DGKK: variants seen among roughly 807,000 people sequenced by gnomAD.
The protein encoded by DGKK is diacylglycerol kinase kappa, also known as 142 kDa diacylglycerol kinase.
A neutral mutation model predicts 92.2 loss-of-function variants in DGKK; 35 were observed. The ratio of observed to expected loss-of-function variants is 0.38; its 90% CI spans 0.29 to 0.50. DGKK has a LOEUF of 0.50. Among genes scored for constraint, DGKK ranks in the 20% least tolerant of loss-of-function variants. The pLI is 0.92. For missense variants in DGKK, 910 were observed against 992.2 expected, an observed-to-expected ratio of 0.92 and a Z score of 1.11; for synonymous variants, 368 against 360.6, an observed-to-expected ratio of 1.02 and a Z score of -0.23.
Position 50,386,343 on chromosome X carries a change from C to T in DGKK, c.2347+15G>A, listed in dbSNP as rs1557224949. The T allele has an allele frequency of 6.8e-6, 8 of 1,184,031 alleles. No individual in the cohort carries two copies. Among genetic ancestry groups the T allele is most frequent in the Non-Finnish European group, 9.2e-6 (8 of 872,281 alleles). On this transcript the variant is annotated intron_variant, in intron 15 of 27. Coordinates refer to ENST00000611977, the MANE Select transcript of DGKK (RefSeq NM_001013742.4). ...CTTTCCCCTACCTCAGTCACTACAA[C>T]CCTGGCCACCTTACCTTGTTCAACT...
Position 50,377,054 on chromosome X carries a change from T to C in DGKK, c.3112-136A>G, listed in dbSNP as rs185868932. 4.9e-5 allele frequency: 26 copies of C among 526,634 alleles called. No individual in the cohort carries two copies. In the East Asian group the frequency reaches 9.7e-4, roughly 20 times the overall value. The allele number at this position is 526,634 out of a possible 1,213,427, so 43.4% of individuals were successfully genotyped here. A position where few individuals can be genotyped will look rare whatever the true frequency, so the allele number is the denominator to read the frequency against. On this transcript the variant is annotated intron_variant, in intron 22 of 27. Transcript: ENST00000611977. ...GGTAGAGGGGAAGGAGGGCCCCCTG[T>C]CCATTCCCCCTGTCATACCCATCTA...
rs150044370 is a variant in DGKK at position 50,420,119 on chromosome X, G to T, written c.942+284C>A. ...TCCTAACCTAAGGGCATCTACATTA[G>T]CTGCTCACATACATCTTGAGTGACT... On this transcript the variant is annotated intron_variant, in intron 4 of 27. Transcript: ENST00000611977. Among the ~76,000 whole-genome samples the T allele has an allele frequency of 8.4e-3, 933 of 111,630 alleles. 5 individuals are homozygous for T. Among genetic ancestry groups the T allele is most frequent in the Middle Eastern group, 0.037 (8 of 216 alleles).
chrX:50,404,143 A>C lies in DGKK; in HGVS notation c.984T>G (p.His328Gln). Residue 328 changes from histidine (H) to glutamine (Q), a missense_variant, in exon 5 of 28, where the codon CAT (histidine) becomes CAG (glutamine). His to Gln is a conservative substitution (Grantham distance 24). Coordinates refer to ENST00000611977, the MANE Select transcript of DGKK (RefSeq NM_001013742.4). The stretch of plus-strand genomic sequence containing the variant: ...GGTGGCTGTAACTGGAGTACCAACA[A>C]TGCATTCCAACAAGAAAAGGGTTGT... ...AENNPFLVGM[H>Q]CWYSSYSHRT... 1 of 1,210,257 alleles carries C rather than the reference A, an allele frequency of 8.3e-7. No individual in the cohort carries two copies. Among genetic ancestry groups the C allele is most frequent in the Non-Finnish European group, 1.1e-6 (1 of 894,716 alleles).
intron 4 of DGKK, among the ~76,000 whole-genome samples, chrX:50,413,318 G>A (rs1266931549): frequency 1.8e-5 from 2 of 111,954 alleles, no homozygotes; most frequent in Non-Finnish European, 3.8e-5. Flanking sequence ...TTTTGGCTCT[G>A]ACCCCCAAAG....
At chrX:50,406,159 C>T (rs1257708098) in intron 4 of DGKK, among the ~76,000 whole-genome samples, 3 of 111,947 alleles carry the variant, frequency 2.7e-5, no homozygotes, top group African/African-American at 9.7e-5. Flanking sequence ...CACAGGACTG[C>T]GTGGAAGAAA....
In DGKK at chrX:50,388,520, G is replaced by A; in HGVS notation, c.2018+7C>T. Reference sequence around the variant, plus strand: ...CCCCAAAGGATGAGAGCCAAAGGAAGACTGACCTGGTTGCGATGATCATCT... The same window carrying A: ...CCCCAAAGGATGAGAGCCAAAGGAAAACTGACCTGGTTGCGATGATCATCT... On this transcript the variant is annotated splice_region_variant and intron_variant, in intron 13 of 27. Transcript: ENST00000611977. The A allele has an allele frequency of 8.4e-7, 1 of 1,197,284 alleles. No individual in the cohort carries two copies. Among genetic ancestry groups the A allele is most frequent in the Non-Finnish European group, 1.1e-6 (1 of 884,667 alleles).
chrX:50,390,380 C>T lies in DGKK; in HGVS notation c.1874G>A (p.Arg625Lys), dbSNP rs1557225400. 8.3e-7 allele frequency: 1 copy of T among 1,209,505 alleles called. No homozygotes were observed. The highest frequency in any genetic ancestry group is 3.0e-5 in the East Asian group (1 of 33,766). ...RWSVMIRETPRQTPLLKGQVE... is the reference protein window; with the variant it reads ...RWSVMIRETPKQTPLLKGQVE... ...CTGTCCTTTTAGCAGCGGGGTTTGT[C>T]TGGGAGTCTCACGAATCATCACACT... Residue 625 changes from arginine (R) to lysine (K), a missense_variant, in exon 12 of 28, where the codon AGA (arginine) becomes AAA (lysine). Coordinates refer to ENST00000611977, the MANE Select transcript of DGKK (RefSeq NM_001013742.4).
At chrX:50,447,326 G>GTATA (rs1194566657) in intron 1 of DGKK, among the ~76,000 whole-genome samples, 5 of 18,179 alleles carry the variant, frequency 2.8e-4, no homozygotes, top group South Asian at 2.2e-3. Flanking sequence ...GTGTGTGTAT[G>GTATA]TATATATATA....
At chrX:50,469,285 G>GT (rs1199808878) in intron 1 of DGKK, among the ~76,000 whole-genome samples, 1 of 112,219 alleles carries the variant, frequency 8.9e-6, no homozygotes, top group Non-Finnish European at 1.9e-5. Flanking sequence ...CGGGATGCCA[G>GT]TTGCCCCGTT....
At chrX:50,446,045 G>T (rs1435352871) in intron 1 of DGKK, among the ~76,000 whole-genome samples, 3 of 111,078 alleles carry the variant, frequency 2.7e-5, no homozygotes, top group Non-Finnish European at 5.7e-5. Flanking sequence ...TTATGGCAAT[G>T]GTGAATGGAA....
chrX:50,371,630 A>G (rs1557223193), intron 26 of DGKK, 94 bp downstream of exon 26: 5 of 630,302 alleles, frequency 7.9e-6, no homozygotes, highest in Non-Finnish European at 1.2e-5. Context: ...GACCCCCTGT[A>G]CTACAGTCAC....
At chrX:50,385,229 A>G (rs1201865703) in intron 15 of DGKK, among the ~76,000 whole-genome samples, 1 of 111,310 alleles carries the variant, frequency 9.0e-6, no homozygotes, top group Non-Finnish European at 1.9e-5. Context: ...TTTTGTCTAT[A>G]ATTGAGCCTC....
chrX:50,456,382 A>C (rs1926612431), intron 1 of DGKK, among the ~76,000 whole-genome samples: 1 of 112,202 alleles, frequency 8.9e-6, no homozygotes, highest in South Asian at 3.7e-4. Flanking sequence ...CCTAGCTCCA[A>C]ATTCAAGTGC....
intron 1 of DGKK, among the ~76,000 whole-genome samples, chrX:50,426,353 G>A (rs1925741585): frequency 8.9e-6 from 1 of 112,072 alleles, no homozygotes; most frequent in Admixed American, 9.5e-5. Context: ...GGCATTGCAA[G>A]TCATGGGCTA....
intron 27 of DGKK, among the ~76,000 whole-genome samples, chrX:50,369,605 A>C (rs1924068062): frequency 9.3e-6 from 1 of 107,349 alleles, no homozygotes; most frequent in African/African-American, 3.4e-5. Flanking sequence ...TCTATTGCCC[A>C]AGCTGAAGAG....
At chrX:50,379,297 C>CAG (rs1477333725) in intron 20 of DGKK, among the ~76,000 whole-genome samples, 1 of 83,413 alleles carries the variant, frequency 1.2e-5, no homozygotes. Flanking sequence ...GCCTGGATGA[C>CAG]AGAGCAAGAC....
rs1356225737 is a variant in DGKK at position 50,447,346 on chromosome X, TA to T, written c.645+22687del. Among the ~76,000 whole-genome samples the T allele has an allele frequency of 3.8e-3, 38 of 9,966 alleles. 1 individual carries two copies. The highest frequency in any genetic ancestry group is 0.025 in the African/African-American group (32 of 1,293). The allele number at this position is 9,966 out of a possible 115,157, so 8.7% of individuals were successfully genotyped here. Reference sequence around the variant, plus strand: ...TGTATGTATATATATATATATATTATATATATATATAATATATATATATTAT... The same window carrying T: ...TGTATGTATATATATATATATATTATTATATATATAATATATATATATTAT... On this transcript the variant is annotated intron_variant, in intron 1 of 27. Coordinates refer to ENST00000611977, the MANE Select transcript of DGKK (RefSeq NM_001013742.4).
intron 25 of DGKK, among the ~76,000 whole-genome samples, chrX:50,373,246 C>T (rs1442148078): frequency 8.9e-6 from 1 of 111,984 alleles, no homozygotes; most frequent in Non-Finnish European, 1.9e-5. Context: ...AGGAATAACA[C>T]CCAAATGAAA....
intron 1 of DGKK, among the ~76,000 whole-genome samples, chrX:50,430,391 C>T (rs1254373951): frequency 8.9e-6 from 1 of 112,013 alleles, no homozygotes; most frequent in Non-Finnish European, 1.9e-5. Flanking sequence ...AGGCAGGGTT[C>T]CTAATTCTTC....
Sources: gnomAD v4.1 joint callset for allele counts (sites outside exome capture counted in the v4.1 genomes callset) on GRCh38, gnomAD v4.1.1 for gene constraint, MANE v1.5 for transcripts, NCBI Gene and HGNC (gene_info 2026-07-23, HGNC 2026-07-21) for gene names.